MCF2L: variants seen among roughly 807,000 people sequenced by gnomAD.
MCF2L encodes MCF.2 cell line derived transforming sequence like, also known as guanine nucleotide exchange factor DBS.
In MCF2L, 97 loss-of-function variants were observed where a neutral mutation model predicts 153.4. That is an observed-to-expected ratio of 0.63 (90% CI 0.54 to 0.75). The LOEUF (loss-of-function observed/expected upper bound fraction) is 0.75, where lower values mean the gene tolerates loss of function less well. Ranked by LOEUF, MCF2L falls within the 30% of genes least tolerant of loss-of-function variation. MCF2L has a pLI of 0.00. For missense variants in MCF2L, 1,347 were observed against 1,495.2 expected, an observed-to-expected ratio of 0.90 and a Z score of 1.64; for synonymous variants, 659 against 632.2, an observed-to-expected ratio of 1.04 and a Z score of -0.64.
Position 113,080,299 on chromosome 13 carries a change from G to A in MCF2L, c.1809-914G>A, listed in dbSNP as rs185543693. Among the ~76,000 whole-genome samples, 10 of 152,178 alleles carry A rather than the reference G, an allele frequency of 6.6e-5. No homozygotes were observed. The East Asian group carries it at 1.2e-3, about 18-fold the overall frequency. On this transcript the variant is annotated intron_variant, in intron 15 of 29. Coordinates refer to ENST00000535094, the MANE Select transcript of MCF2L (RefSeq NM_001112732.3). ...GGTCCAGGCAGAGGAGTGTCCATACGGAGGAGGGTCTAGGCAGAGGGGCGT... is the reference window on the plus strand; with the variant it reads ...GGTCCAGGCAGAGGAGTGTCCATACAGAGGAGGGTCTAGGCAGAGGGGCGT...
chr13:112,995,803 T>A (rs1442495107), intron 1 of MCF2L, among the ~76,000 whole-genome samples: 1 of 151,988 alleles, frequency 6.6e-6, no homozygotes, highest in Non-Finnish European at 1.5e-5. Context: ...ATGAGAAGGG[T>A]GGGATCTGGC....
chr13:112,969,192 C>G (rs1431543754), upstream of MCF2L: 2 of 951,024 alleles, frequency 2.1e-6, no homozygotes, highest in African/African-American at 3.5e-5. This position sits in a 1 kb window ranked among gnomAD's most constrained non-coding sequence, Gnocchi z 4.8. Context: ...CGCGGCGCAG[C>G]GCGCGCCCCC....
At chr13:113,030,486 C>T (rs542125094) in intron 3 of MCF2L, among the ~76,000 whole-genome samples, 1 of 148,842 alleles carries the variant, frequency 6.7e-6, no homozygotes, top group Non-Finnish European at 1.5e-5. Context: ...GGGTGTCCGC[C>T]GACGCCCGGT....
At position 113,035,108 on chromosome 13, in the gene MCF2L, C is replaced by T. The variant is rs185143236; in HGVS notation, c.279-10163C>T. On this transcript the variant is annotated intron_variant, in intron 3 of 29. Coordinates refer to ENST00000535094, the MANE Select transcript of MCF2L (RefSeq NM_001112732.3). The surrounding 1 kb of genome is among the most constrained non-coding windows in gnomAD (Gnocchi z 4.4). ...CCCGTGCAGACCTCACCATTCCCGA[C>T]GGGAACACTTGTGATATTCACTTCC... Among the ~76,000 whole-genome samples the T allele has an allele frequency of 1.3e-3, 203 of 152,330 alleles. No homozygotes were observed. The highest frequency in any genetic ancestry group is 4.6e-3 in the African/African-American group (192 of 41,572).
Position 112,941,703 on chromosome 13 carries a change from A to G in MCF2L, c.169+39332A>G, listed in dbSNP as rs552125305. 4.3e-4 allele frequency among the ~76,000 whole-genome samples: 66 copies of G among 152,318 alleles called. 1 individual carries two copies. The highest frequency in any genetic ancestry group is 1.6e-3 in the African/African-American group (65 of 41,558). On this transcript the variant is annotated intron_variant, in intron 2 of 29. Transcript: ENST00000375608. This position sits in a 1 kb window ranked among gnomAD's most constrained non-coding sequence, Gnocchi z 4.9. The stretch of plus-strand genomic sequence containing the variant: ...ACGAGCTGTTCCAGTATAATAAAAT[A>G]TATAAAATAAGAATAGTTATACTAG...
At chr13:113,036,158 A>G (rs559689364) in intron 3 of MCF2L, among the ~76,000 whole-genome samples, 106 of 152,252 alleles carry the variant, frequency 7.0e-4, no homozygotes, top group African/African-American at 2.5e-3. Context: ...AGTCCCACAG[A>G]CCGCAGCCTG....
chr13:113,011,088 C>T lies in MCF2L; in HGVS notation c.80-3675C>T, dbSNP rs111784715. Among the ~76,000 whole-genome samples, 305 of 152,296 alleles carry T rather than the reference C, an allele frequency of 2.0e-3. 2 individuals carry two copies. The highest frequency in any genetic ancestry group is 6.8e-3 in the African/African-American group (281 of 41,550). On this transcript the variant is annotated intron_variant, in intron 1 of 29. Transcript: ENST00000535094. ...ACATAAATGGAAGAAACGCCCAGCG[C>T]CCTGAAAATCCCAGGGCCCCGCCTG...
intron 15 of MCF2L, among the ~76,000 whole-genome samples, chr13:113,079,829 C>T (rs2033919211): frequency 6.6e-6 from 1 of 150,818 alleles, no homozygotes; most frequent in Non-Finnish European, 1.5e-5. Flanking sequence ...GGAGGAGGGT[C>T]CAGGCAGAGG....
At chr13:113,051,584 T>C (rs918150782) in intron 4 of MCF2L, among the ~76,000 whole-genome samples, 4 of 151,606 alleles carry the variant, frequency 2.6e-5, no homozygotes, top group African/African-American at 9.7e-5. Context: ...AAGGGTCCAA[T>C]AACGGGCGGC....
At chr13:113,038,357 C>CGGGA (rs908261631) in intron 3 of MCF2L, among the ~76,000 whole-genome samples, 5 of 151,062 alleles carry the variant, frequency 3.3e-5, no homozygotes, top group Non-Finnish European at 7.4e-5. Context: ...CCCAGCTACT[C>CGGGA]GGGAGGCTGA....
chr13:113,026,734 A>G, intron 3 of MCF2L: 1 of 594,140 alleles, frequency 1.7e-6, no homozygotes. Context: ...TCCAGGAAAG[A>G]ACTGACCCCA....
At chr13:112,911,151 G>A (rs750177280) in intron 2 of MCF2L, among the ~76,000 whole-genome samples, 31 of 152,316 alleles carry the variant, frequency 2.0e-4, no homozygotes, top group Non-Finnish European at 3.8e-4. Context: ...GGTGGGTGGC[G>A]AATGCCAAGG....
chr13:113,084,217 C>T, intron 18 of MCF2L, 150 bp downstream of exon 18: 1 of 698,332 alleles, frequency 1.4e-6, no homozygotes, highest in South Asian at 1.8e-5. Flanking sequence ...TGCTCCTGTA[C>T]CCCTAGAACC....
chr13:112,941,646 C>A lies in MCF2L; in HGVS notation c.169+39275C>A, dbSNP rs2081576428. On this transcript the variant is annotated intron_variant, in intron 2 of 29. Transcript: ENST00000375608. The surrounding 1 kb of genome is among the most constrained non-coding windows in gnomAD (Gnocchi z 4.9). ...ACCATGGTCCACTGTGGGCGGCAAG[C>A]CACCCAGGTGCCGAGGCAAGAGACC... Among the ~76,000 whole-genome samples the A allele has an allele frequency of 6.6e-6, 1 of 151,998 alleles. No individual in the cohort carries two copies. The highest frequency in any genetic ancestry group is 2.1e-4 in the South Asian group (1 of 4,820).
intron 3 of MCF2L, 33 bp downstream of exon 3, chr13:113,024,791 G>A (rs770212704): frequency 2.6e-5 from 40 of 1,544,916 alleles, no homozygotes; most frequent in Non-Finnish European, 3.6e-5. Context: ...AGACATTGTG[G>A]TTTGGGGCAG....
At position 113,087,794 on chromosome 13, in the gene MCF2L, G is replaced by A. The variant is rs199551610; in HGVS notation, c.2683G>A (p.Val895Ile). The A allele has an allele frequency of 7.1e-5, 115 of 1,613,756 alleles. No individual in the cohort carries two copies. Among genetic ancestry groups the A allele is most frequent in the Middle Eastern group, 1.6e-4 (1 of 6,084 alleles). The change falls in exon 23 of 30, where the codon GTC becomes ATC. Residue 895 changes from valine (V) to isoleucine (I), a missense_variant. Physicochemically the swap from Val to Ile is conservative, Grantham distance 29. Around this residue, in one of 3 missense-constraint regions of MCF2L, gnomAD observed 383 missense variants for 335.4 expected, o/e 1.14. Coordinates refer to ENST00000535094, the MANE Select transcript of MCF2L (RefSeq NM_001112732.3). ...WYNAREEVYI[V>I]QAPTPEIKAA... Reference sequence around the variant, plus strand: ...CAACGCGCGCGAGGAGGTCTACATCGTCCAGGTGGGCCACCCACCCTACCC... The same window carrying A: ...CAACGCGCGCGAGGAGGTCTACATCATCCAGGTGGGCCACCCACCCTACCC...
intron 1 of MCF2L, among the ~76,000 whole-genome samples, chr13:112,989,393 A>C (rs1262641739): frequency 1.7e-4 from 22 of 130,046 alleles, no homozygotes; most frequent in African/African-American, 6.1e-4. Context: ...CAGGGGATGG[A>C]GCTACCACGC....
At position 113,096,821 on chromosome 13, in the gene MCF2L, G is replaced by A. The variant is rs1566895211; in HGVS notation, c.3340G>A (p.Glu1114Lys). 2.0e-6 allele frequency: 3 copies of A among 1,535,268 alleles called. No individual in the cohort carries two copies. Among genetic ancestry groups the A allele is most frequent in the Non-Finnish European group, 2.6e-6 (3 of 1,151,466 alleles). Residue 1114 changes from glutamate to lysine, a missense_variant, in exon 30 of 30, where the codon GAG (glutamate) becomes AAG (lysine). Glu to Lys is a moderately conservative substitution (Grantham distance 56, BLOSUM62 1). Transcript: ENST00000535094. ...AVLSNSSSCS[E>K]GGQAPFSDLQ... Reference sequence around the variant, plus strand: ...GCTGAGCAACTCGTCCAGCTGCAGCGAGGGCGGCCAGGCCCCCTTCTCCGA... The same window carrying A: ...GCTGAGCAACTCGTCCAGCTGCAGCAAGGGCGGCCAGGCCCCCTTCTCCGA...
rs1015566279 is a variant in MCF2L at position 112,932,667 on chromosome 13, A to C, written c.169+30296A>C. Among the ~76,000 whole-genome samples the C allele has an allele frequency of 6.6e-6, 1 of 152,242 alleles. No homozygotes were observed. Among genetic ancestry groups the C allele is most frequent in the East Asian group, 1.9e-4 (1 of 5,198 alleles). On this transcript the variant is annotated intron_variant, in intron 2 of 29. Transcript: ENST00000375608. This position sits in a 1 kb window ranked among gnomAD's most constrained non-coding sequence, Gnocchi z 4.6. ...AAAGCTAAACAAAGTTACTTAAAAA[A>C]GAAGCATCTCAGTACCGTCAGTGGG...
Sources: gnomAD v4.1 joint callset for allele counts (sites outside exome capture counted in the v4.1 genomes callset) on GRCh38, gnomAD v4.1.1 for gene constraint, gnomAD v4.1.1 regional missense constraint, Gnocchi (gnomAD v3.1) non-coding constraint, MANE v1.5 for transcripts, NCBI Gene and HGNC (gene_info 2026-07-23, HGNC 2026-07-21) for gene names.